Variants in PDGFRA observed in about 807,000 individuals in gnomAD.
The protein encoded by PDGFRA is platelet-derived growth factor receptor alpha.
In PDGFRA, 25 loss-of-function variants were observed where a neutral mutation model predicts 121.5. The observed-to-expected ratio is 0.21, with a 90% CI of 0.15 to 0.29. PDGFRA has a LOEUF of 0.29. PDGFRA is among the 10% of genes least tolerant of loss of function. PDGFRA has a pLI of 1.00. For synonymous variants in PDGFRA, 463 were observed against 494.8 expected, an observed-to-expected ratio of 0.94 and a Z score of 0.85; for missense variants, 1,008 against 1,345.1, an observed-to-expected ratio of 0.75 and a Z score of 3.92.
intron 1 of PDGFRA, among the ~76,000 whole-genome samples, chr4:54,258,159 G>T (rs943615582): frequency 6.6e-6 from 1 of 151,958 alleles, no homozygotes; most frequent in Non-Finnish European, 1.5e-5. Flanking sequence ...GCTTGTACCT[G>T]CTTTTCCATG....
intron 1 of PDGFRA, among the ~76,000 whole-genome samples, chr4:54,239,507 A>G (rs192672872): frequency 3.3e-5 from 5 of 152,330 alleles, no homozygotes; most frequent in African/African-American, 1.2e-4. Context: ...CTGGTGACCA[A>G]TGAAGGGACA....
chr4:54,266,556 A>G (rs113190864), intron 5 of PDGFRA, among the ~76,000 whole-genome samples: 1,992 of 152,142 alleles, frequency 0.013, 16 homozygotes, highest in Non-Finnish European at 0.02. Context: ...TGACTGAGAT[A>G]AAGCTCTTAA....
At chr4:54,231,528 C>G (rs923922061) in intron 1 of PDGFRA, among the ~76,000 whole-genome samples, 20 of 152,238 alleles carry the variant, frequency 1.3e-4, no homozygotes, top group Admixed American at 9.2e-4. Flanking sequence ...CCATCCCCGA[C>G]CCCTAATCTG....
chr4:54,251,217 A>T (rs892252494), intron 1 of PDGFRA, among the ~76,000 whole-genome samples: 10 of 152,234 alleles, frequency 6.6e-5, no homozygotes, highest in African/African-American at 2.2e-4. Flanking sequence ...AACAGCATGG[A>T]CTAAACTAAT....
At chr4:54,234,912 C>A (rs1720929150) in intron 1 of PDGFRA, among the ~76,000 whole-genome samples, 1 of 152,116 alleles carries the variant, frequency 6.6e-6, no homozygotes, top group African/African-American at 2.4e-5. Context: ...TGTTTATGAG[C>A]CCAGATTGTC....
At chr4:54,277,341 G>A (rs1478585874) in intron 12 of PDGFRA, 47 bp from the exon 13 acceptor site, 2 of 1,290,718 alleles carry the variant, frequency 1.5e-6, no homozygotes. Context: ...AGAAAGCTGA[G>A]GAGGCGTCTG....
chr4:54,275,796 A>G (rs1723687831), intron 12 of PDGFRA, among the ~76,000 whole-genome samples: 1 of 152,242 alleles, frequency 6.6e-6, no homozygotes, highest in Admixed American at 6.5e-5. Context: ...ACAGTGAATG[A>G]GATATGACCT....
rs1724505206 is a variant in PDGFRA at position 54,289,118 on chromosome 4, TG to T, written c.2880+5del. 2 of 1,493,722 alleles carry T rather than the reference TG, an allele frequency of 1.3e-6. No individual in the cohort carries two copies. Among genetic ancestry groups the T allele is most frequent in the Non-Finnish European group, 1.9e-6 (2 of 1,070,338 alleles). The allele number at this position is 1,493,722 out of a possible 1,614,324, so 92.5% of individuals were successfully genotyped here. ...GCTGCCTGGACAATATAAAAAGGTGTGTTTGGATCTGTGGGTGGAAAGGTCT... is the reference window on the plus strand; with the variant it reads ...GCTGCCTGGACAATATAAAAAGGTGTTTTGGATCTGTGGGTGGAAAGGTCT... On this transcript the variant is annotated splice_donor_5th_base_variant and intron_variant, in intron 21 of 22. Coordinates refer to ENST00000257290, the MANE Select transcript of PDGFRA (RefSeq NM_006206.6).
chr4:54,271,350 C>T (rs961716022), intron 8 of PDGFRA, among the ~76,000 whole-genome samples: 51 of 152,198 alleles, frequency 3.4e-4, no homozygotes, highest in African/African-American at 1.2e-3. Context: ...CAAGCAACAC[C>T]GTATATCTAA....
Position 54,296,297 on chromosome 4 carries a change from G to A in PDGFRA, c.*1025G>A, listed in dbSNP as rs1459653235. The A allele has an allele frequency of 1.3e-5, 3 of 231,764 alleles. No individual in the cohort carries two copies. Among genetic ancestry groups the A allele is most frequent in the African/African-American group, 2.2e-5 (1 of 45,094 alleles). 14.4% of individuals were successfully genotyped at this position (231,764 alleles called of 1,614,324 possible). On this transcript the variant is annotated 3_prime_UTR_variant, in exon 23 of 23. Coordinates refer to ENST00000257290, the MANE Select transcript of PDGFRA (RefSeq NM_006206.6). ...CAATGTAGAGGCATAAACCTGTGCTGAACATAACTTCTCATGTATATTACC... is the reference window on the plus strand; with the variant it reads ...CAATGTAGAGGCATAAACCTGTGCTAAACATAACTTCTCATGTATATTACC...
rs1577709157 is a variant in PDGFRA, at chr4:54,263,714, A to G, written c.415A>G (p.Ile139Val). 1.9e-6 allele frequency: 3 copies of G among 1,613,922 alleles called. No homozygotes were observed. The highest frequency in any genetic ancestry group is 1.7e-5 in the Admixed American group (1 of 60,004). ...VPLGMTDYLV[I>V]VEDDDSAIIP... ...TCTAGGAATGACGGATTATTTAGTC[A>G]TCGTGGAGGATGATGATTCTGCCAT... Residue 139 changes from isoleucine to valine, a missense_variant, in exon 4 of 23, where the codon ATC (isoleucine) becomes GTC (valine). This residue lies in a region of PDGFRA where 575 missense variants were observed against 701.8 expected (regional missense o/e 0.82). Coordinates refer to ENST00000257290, the MANE Select transcript of PDGFRA (RefSeq NM_006206.6).
chr4:54,287,172 G>A (rs1724402782), intron 18 of PDGFRA, among the ~76,000 whole-genome samples: 1 of 152,056 alleles, frequency 6.6e-6, no homozygotes, highest in South Asian at 2.1e-4. Context: ...CAGGATTAAT[G>A]TTTTTGGATA....
intron 13 of PDGFRA, 111 bp from the exon 14 acceptor site, chr4:54,277,785 T>C (rs1723818543): frequency 2.6e-6 from 2 of 771,666 alleles, no homozygotes; most frequent in African/African-American, 1.7e-5. Context: ...TTTAGACTTC[T>C]GGTAAATAGA....
chr4:54,271,790 C>T (rs555721567), intron 8 of PDGFRA, among the ~76,000 whole-genome samples: 3 of 146,754 alleles, frequency 2.0e-5, no homozygotes, highest in South Asian at 4.9e-4. Context: ...CTTCCTCCCT[C>T]CCTCACTCTC....
At chr4:54,240,089 A>G (rs1721219644) in intron 1 of PDGFRA, 2 of 407,490 alleles carry the variant, frequency 4.9e-6, no homozygotes, top group South Asian at 1.7e-5. Context: ...CTGGGCTCAA[A>G]TGATCTGCCT....
At chr4:54,266,198 T>C (rs970190741) in intron 5 of PDGFRA, among the ~76,000 whole-genome samples, 2 of 152,196 alleles carry the variant, frequency 1.3e-5, no homozygotes, top group Non-Finnish European at 1.5e-5. Flanking sequence ...CAAACCGAAG[T>C]ACATGCTATT....
chr4:54,296,513 T>G lies in PDGFRA; in HGVS notation c.*1241T>G, dbSNP rs1321004440. On this transcript the variant is annotated 3_prime_UTR_variant, in exon 23 of 23. Transcript: ENST00000257290. ...ACCCCTTACCCCAAAGAGAAAGAGT[T>G]TGAAACTCGAGACCATAAAGATATT... The G allele has an allele frequency of 4.3e-6, 1 of 232,600 alleles. No individual in the cohort carries two copies. Among genetic ancestry groups the G allele is most frequent in the Non-Finnish European group, 8.5e-6 (1 of 117,750 alleles). 14.4% of individuals were successfully genotyped at this position (232,600 alleles called of 1,614,324 possible).
intron 15 of PDGFRA, 33 bp from the exon 16 acceptor site, chr4:54,280,283 C>G (rs1156963904): frequency 6.3e-7 from 1 of 1,599,616 alleles, no homozygotes; most frequent in Non-Finnish European, 8.6e-7. Flanking sequence ...CAGAAGGGCA[C>G]CCTGGGTAAG....
At chr4:54,274,427 C>T in intron 10 of PDGFRA, 104 bp from the exon 11 acceptor site, 2 of 834,704 alleles carry the variant, frequency 2.4e-6, no homozygotes, top group Non-Finnish European at 4.1e-6. Context: ...ACTTCCCCAC[C>T]AGCAGTGAGA....
Sources: allele counts gnomAD v4.1 joint callset (sites outside exome capture counted in the v4.1 genomes callset), GRCh38; gene constraint gnomAD v4.1.1; regional missense constraint gnomAD v4.1.1; transcripts MANE v1.5; gene names NCBI Gene and HGNC (gene_info 2026-07-23, HGNC 2026-07-21).